ANKRD13C: variants seen among roughly 807,000 people sequenced by gnomAD.
The protein encoded by ANKRD13C is ankyrin repeat domain-containing protein 13C.
A neutral mutation model predicts 65.5 loss-of-function variants in ANKRD13C; 16 were observed. The ratio of observed to expected loss-of-function variants is 0.24; its 90% CI spans 0.17 to 0.37. The LOEUF (loss-of-function observed/expected upper bound fraction) is 0.37, where lower values mean the gene tolerates loss of function less well. Among genes scored for constraint, ANKRD13C ranks in the 10% least tolerant of loss-of-function variants. ANKRD13C has a pLI of 1.00. For synonymous variants in ANKRD13C, 235 were observed against 238.7 expected (o/e 0.98, Z 0.14); for missense variants, 503 against 655.9 (o/e 0.77, Z 2.55).
chr1:70,345,322 G>A (rs562513691), intron 1 of ANKRD13C, among the ~76,000 whole-genome samples: 4 of 151,912 alleles, frequency 2.6e-5, no homozygotes, highest in African/African-American at 4.8e-5. Flanking sequence ...CCAGCTACTC[G>A]GGAGGCTGAA....
At chr1:70,295,316 C>A (rs1427844518) in intron 8 of ANKRD13C, among the ~76,000 whole-genome samples, 1 of 151,848 alleles carries the variant, frequency 6.6e-6, no homozygotes, top group South Asian at 2.1e-4. Context: ...GGTGCCATCT[C>A]GGCTCACTGT....
chr1:70,316,197 T>C (rs1681065807), intron 3 of ANKRD13C, among the ~76,000 whole-genome samples: 3 of 152,178 alleles, frequency 2.0e-5, no homozygotes, highest in Non-Finnish European at 1.5e-5. Flanking sequence ...ATGAATCTTA[T>C]TGTACATGGA....
intron 9 of ANKRD13C, among the ~76,000 whole-genome samples, chr1:70,289,925 T>C (rs1679788749): frequency 6.6e-6 from 1 of 152,186 alleles, no homozygotes; most frequent in Admixed American, 6.5e-5. Flanking sequence ...ACAGCAGCCC[T>C]GTCAAAGACT....
At chr1:70,296,917 C>T (rs557421266) in intron 7 of ANKRD13C, among the ~76,000 whole-genome samples, 77 of 152,224 alleles carry the variant, frequency 5.1e-4, no homozygotes, top group African/African-American at 1.8e-3. Context: ...AGGTTTTATC[C>T]TGTACATATT....
At position 70,354,499 on chromosome 1, in the gene ANKRD13C, G is replaced by T; in HGVS notation, c.-91C>A. 1 of 1,478,240 alleles carries T rather than the reference G, an allele frequency of 6.8e-7. No individual in the cohort carries two copies. The allele number at this position is 1,478,240 out of a possible 1,614,324, so 91.6% of individuals were successfully genotyped here. A position where few individuals can be genotyped will look rare whatever the true frequency, so the allele number is the denominator to read the frequency against. ...GCGGCACAAGGCGATTAGAGCGGTG[G>T]CCAAGAGCCTCCAGCGCAGCATGAA... On this transcript the variant is annotated 5_prime_UTR_variant, in exon 1 of 13. Coordinates refer to ENST00000370944, the MANE Select transcript of ANKRD13C (RefSeq NM_030816.5).
rs1163163163 is a variant in ANKRD13C, at chr1:70,262,675, T to C, written c.*42A>G. 1 of 1,594,824 alleles carries C rather than the reference T, an allele frequency of 6.3e-7. No individual in the cohort carries two copies. The highest frequency in any genetic ancestry group is 8.6e-7 in the Non-Finnish European group (1 of 1,169,276). On this transcript the variant is annotated 3_prime_UTR_variant, in exon 13 of 13. Transcript: ENST00000370944. ...TTTGGATCCACTTCTAGGGTCTCTG[T>C]ATTTTCTTTCCTTGGTTAGACGGCA...
intron 9 of ANKRD13C, among the ~76,000 whole-genome samples, chr1:70,290,968 A>T (rs1049694101): frequency 1.3e-5 from 2 of 152,206 alleles, no homozygotes; most frequent in African/African-American, 4.8e-5. Context: ...AATCTACTAA[A>T]GGATCCCTAT....
chr1:70,306,128 A>T, intron 6 of ANKRD13C, 96 bp downstream of exon 6: 1 of 756,224 alleles, frequency 1.3e-6, no homozygotes, highest in Non-Finnish European at 2.0e-6. Flanking sequence ...CAGCATTTTA[A>T]CGTCATAAAA....
At chr1:70,291,475 C>T (rs1679866850) in intron 9 of ANKRD13C, among the ~76,000 whole-genome samples, 1 of 152,186 alleles carries the variant, frequency 6.6e-6, no homozygotes, top group Admixed American at 6.5e-5. Context: ...GTTACCATGT[C>T]TCATACATCT....
chr1:70,287,722 T>C (rs1679683828), intron 9 of ANKRD13C, among the ~76,000 whole-genome samples: 1 of 151,974 alleles, frequency 6.6e-6, no homozygotes, highest in Non-Finnish European at 1.5e-5. Context: ...ATAAAGAACT[T>C]TGGGCCAGGC....
At chr1:70,346,767 T>G (rs971671825) in intron 1 of ANKRD13C, among the ~76,000 whole-genome samples, 2 of 152,146 alleles carry the variant, frequency 1.3e-5, no homozygotes, top group Non-Finnish European at 2.9e-5. Flanking sequence ...GACCCTTGCC[T>G]CACACAACAG....
chr1:70,283,801 G>A (rs567962503), intron 9 of ANKRD13C, among the ~76,000 whole-genome samples: 53 of 151,756 alleles, frequency 3.5e-4, no homozygotes, highest in African/African-American at 6.3e-4. Flanking sequence ...GAGCAAGAGC[G>A]AGACTCCATC....
At chr1:70,345,438 A>G (rs901920798) in intron 1 of ANKRD13C, among the ~76,000 whole-genome samples, 2 of 152,176 alleles carry the variant, frequency 1.3e-5, no homozygotes, top group Non-Finnish European at 2.9e-5. Context: ...TCAAAAAAAA[A>G]AAAAGATTGC....
intron 7 of ANKRD13C, among the ~76,000 whole-genome samples, chr1:70,299,292 T>C (rs1196745905): frequency 6.6e-6 from 1 of 152,130 alleles, no homozygotes; most frequent in Admixed American, 6.6e-5. Flanking sequence ...AGAAAAAGGC[T>C]AGAAAGGTGA....
rs565091273 is a variant in ANKRD13C at position 70,351,968 on chromosome 1, G to A, written c.430+2011C>T. Among the ~76,000 whole-genome samples the A allele has an allele frequency of 6.9e-4, 105 of 152,258 alleles. 3 individuals carry two copies. The South Asian group carries it at 0.02, about 29-fold the overall frequency. ...AAGCAATTATATTTACCCCAGGTAT[G>A]TGAACCACCGGTTACATTAATCAGA... On this transcript the variant is annotated intron_variant, in intron 1 of 12. Transcript: ENST00000370944.
intron 1 of ANKRD13C, among the ~76,000 whole-genome samples, chr1:70,339,848 ATTATTAT>A (rs1436235937): frequency 8.4e-6 from 1 of 119,756 alleles, no homozygotes; most frequent in Non-Finnish European, 1.8e-5. Flanking sequence ...TATTATTATT[ATTATTAT>A]TATTATTATT....
chr1:70,341,282 G>A (rs1384073463), intron 1 of ANKRD13C, among the ~76,000 whole-genome samples: 1 of 149,678 alleles, frequency 6.7e-6, no homozygotes, highest in Admixed American at 6.7e-5. Flanking sequence ...GACAATATTT[G>A]TCTTTTTAAC....
intron 1 of ANKRD13C, 107 bp downstream of exon 1, chr1:70,353,872 G>C (rs1682865608): frequency 1.5e-6 from 2 of 1,377,546 alleles, no homozygotes. Context: ...CCGGATGATG[G>C]GCAAAAAGAA....
At chr1:70,337,690 C>T (rs1682104965) in intron 1 of ANKRD13C, among the ~76,000 whole-genome samples, 1 of 151,918 alleles carries the variant, frequency 6.6e-6, no homozygotes, top group Admixed American at 6.6e-5. Context: ...TAACTAGGGA[C>T]AAAAAAACAA....
Sources: gnomAD v4.1 joint callset for allele counts (sites outside exome capture counted in the v4.1 genomes callset) on GRCh38, gnomAD v4.1.1 for gene constraint, MANE v1.5 for transcripts, NCBI Gene and HGNC (gene_info 2026-07-23, HGNC 2026-07-21) for gene names.